Variants in ROBO1 observed in about 807,000 individuals in gnomAD.
The protein encoded by ROBO1 is roundabout homolog 1.
ROBO1 carries 149 observed loss-of-function variants against 195.9 expected under a neutral mutation model. The ratio of observed to expected loss-of-function variants is 0.76; its 90% CI spans 0.67 to 0.87. The LOEUF (loss-of-function observed/expected upper bound fraction) is 0.87, where lower values mean the gene tolerates loss of function less well. ROBO1 is among the 40% of genes least tolerant of loss of function. ROBO1 has a pLI of 0.00. For missense variants in ROBO1, 1,933 were observed against 2,068.3 expected, an observed-to-expected ratio of 0.93 and a Z score of 1.27; for synonymous variants, 816 against 733.2, an observed-to-expected ratio of 1.11 and a Z score of -1.82.
At chr3:79,740,869 A>C (rs1703614881) in intron 1 of ROBO1, among the ~76,000 whole-genome samples, 1 of 152,236 alleles carries the variant, frequency 6.6e-6, no homozygotes, top group Non-Finnish European at 1.5e-5. Flanking sequence ...TAACATATAC[A>C]TATAGTGATA....
At chr3:79,689,038 A>C (rs1019115731) in intron 1 of ROBO1, among the ~76,000 whole-genome samples, 1 of 151,978 alleles carries the variant, frequency 6.6e-6, no homozygotes, top group Non-Finnish European at 1.5e-5. Flanking sequence ...GTCAAGTTTC[A>C]ATTTCCCCAT....
At chr3:79,135,260 A>G (rs1461250549) in intron 2 of ROBO1, among the ~76,000 whole-genome samples, 1 of 152,182 alleles carries the variant, frequency 6.6e-6, no homozygotes, top group African/African-American at 2.4e-5. Flanking sequence ...GTATCACCCC[A>G]GAGGGTATTT....
intron 2 of ROBO1, among the ~76,000 whole-genome samples, chr3:79,500,480 G>C (rs1940010698): frequency 6.6e-6 from 1 of 152,158 alleles, no homozygotes; most frequent in Non-Finnish European, 1.5e-5. Context: ...CTCCATTGTT[G>C]TTGATGTCTT....
chr3:79,415,187 G>C (rs1236622786), intron 2 of ROBO1, among the ~76,000 whole-genome samples: 3 of 152,106 alleles, frequency 2.0e-5, no homozygotes, highest in Non-Finnish European at 4.4e-5. Context: ...CCTAACATGT[G>C]CATCTTTACA....
intron 4 of ROBO1, among the ~76,000 whole-genome samples, chr3:78,845,293 G>C (rs559324052): frequency 6.6e-6 from 1 of 151,668 alleles, no homozygotes; most frequent in Non-Finnish European, 1.5e-5. Context: ...TATGAAAAAA[G>C]TGTAGATCTC....
chr3:78,651,884 G>A lies in ROBO1; in HGVS notation c.2660C>T (p.Ala887Val). ...PVSPEDQVSL[A>V]QQISDVVKQP... is the part of the protein sequence containing the mutation. Reference sequence around the variant, plus strand: ...CTTCACCACATCTGAAATCTGCTGAGCGAGGCTGACTTGGTCCTCAGGTGA... The same window carrying A: ...CTTCACCACATCTGAAATCTGCTGAACGAGGCTGACTTGGTCCTCAGGTGA... The change falls in exon 19 of 31, where the codon GCT becomes GTT. Residue 887 changes from alanine (A) to valine (V), a missense_variant. Physicochemically the swap from Ala to Val is moderately conservative, Grantham distance 64. Around this residue, in one of 3 missense-constraint regions of ROBO1, gnomAD observed 1,737 missense variants for 1,882.5 expected, o/e 0.92. Transcript: ENST00000464233. 6.2e-7 allele frequency: 1 copy of A among 1,613,762 alleles called. No homozygotes were observed. Among genetic ancestry groups the A allele is most frequent in the East Asian group, 2.2e-5 (1 of 44,868 alleles).
chr3:79,318,803 T>C (rs1250550115), intron 2 of ROBO1, among the ~76,000 whole-genome samples: 1 of 152,220 alleles, frequency 6.6e-6, no homozygotes, highest in Non-Finnish European at 1.5e-5. Context: ...ATATTTTTGA[T>C]GGATTTTCTT....
At chr3:79,357,123 G>T (rs1237379728) in intron 2 of ROBO1, among the ~76,000 whole-genome samples, 1 of 151,936 alleles carries the variant, frequency 6.6e-6, no homozygotes, top group Non-Finnish European at 1.5e-5. Flanking sequence ...GGCCCAAATG[G>T]TACATTGAAA....
intron 2 of ROBO1, among the ~76,000 whole-genome samples, chr3:79,294,785 C>T (rs142628711): frequency 0.044 from 6,689 of 152,072 alleles, 274 homozygotes; most frequent in African/African-American, 0.11. Flanking sequence ...AAAAAGTGGG[C>T]GAAGGATATG....
chr3:79,563,875 G>A (rs1454773011), intron 2 of ROBO1, among the ~76,000 whole-genome samples: 1 of 151,876 alleles, frequency 6.6e-6, no homozygotes, highest in Non-Finnish European at 1.5e-5. Flanking sequence ...ATTTTATAGA[G>A]TGCATATTAA....
intron 2 of ROBO1, among the ~76,000 whole-genome samples, chr3:79,151,421 C>T (rs906096471): frequency 6.6e-6 from 1 of 151,728 alleles, no homozygotes; most frequent in Non-Finnish European, 1.5e-5. Flanking sequence ...GCTCAGCCAA[C>T]AAAATATACC....
chr3:79,217,592 T>C (rs1445518107), intron 2 of ROBO1, among the ~76,000 whole-genome samples: 1 of 152,008 alleles, frequency 6.6e-6, no homozygotes, highest in Non-Finnish European at 1.5e-5. Flanking sequence ...GTGGGTTATG[T>C]TGCTTTTTTC....
Position 79,623,135 on chromosome 3 carries a change from TCAA to T in ROBO1, c.-50-33177_-50-33175del, listed in dbSNP as rs34450942. On this transcript the variant is annotated intron_variant, in intron 1 of 30. Coordinates refer to ENST00000464233, the MANE Select transcript of ROBO1 (RefSeq NM_002941.4). ...CCTACAGAAAGCAGTAACAATGGCA[TCAA>T]CAACAACAACAACAACAACAACAAC... Among the ~76,000 whole-genome samples the T allele has an allele frequency of 3.7e-3, 562 of 150,922 alleles. 6 individuals are homozygous for T. The East Asian group carries it at 0.05, about 13-fold the overall frequency.
At chr3:79,493,198 G>A (rs1003653287) in intron 2 of ROBO1, among the ~76,000 whole-genome samples, 1 of 151,712 alleles carries the variant, frequency 6.6e-6, no homozygotes, top group Non-Finnish European at 1.5e-5. Flanking sequence ...TATTATTCTT[G>A]GTTTTAATAG....
chr3:79,423,906 C>T (rs1037552020), intron 2 of ROBO1, among the ~76,000 whole-genome samples: 1 of 151,820 alleles, frequency 6.6e-6, no homozygotes, highest in African/African-American at 2.4e-5. Flanking sequence ...TCATAATTCT[C>T]CCATCTGCCC....
intron 3 of ROBO1, among the ~76,000 whole-genome samples, chr3:79,064,252 C>T (rs1348530988): frequency 6.6e-6 from 1 of 151,760 alleles, no homozygotes; most frequent in Non-Finnish European, 1.5e-5. Context: ...AATATTAGGT[C>T]TGAAAAAAAT....
chr3:79,649,576 G>A (rs1945938893), intron 1 of ROBO1, among the ~76,000 whole-genome samples: 1 of 152,042 alleles, frequency 6.6e-6, no homozygotes, highest in South Asian at 2.1e-4. Context: ...AGTGACTATG[G>A]AAATATTTGT....
intron 2 of ROBO1, among the ~76,000 whole-genome samples, chr3:79,309,037 A>C (rs2033356903): frequency 1.3e-5 from 2 of 150,762 alleles, no homozygotes; most frequent in Non-Finnish European, 2.9e-5. Context: ...CTCAACTCTA[A>C]GTTGGTAGAG....
At chr3:78,709,698 G>T (rs1486161031) in intron 8 of ROBO1, among the ~76,000 whole-genome samples, 1 of 152,116 alleles carries the variant, frequency 6.6e-6, no homozygotes, top group Non-Finnish European at 1.5e-5. Context: ...GATCATTAAG[G>T]AGATAAAGAA....
Sources: gnomAD v4.1 joint callset for allele counts (sites outside exome capture counted in the v4.1 genomes callset) on GRCh38, gnomAD v4.1.1 for gene constraint, gnomAD v4.1.1 regional missense constraint, MANE v1.5 for transcripts, NCBI Gene and HGNC (gene_info 2026-07-23, HGNC 2026-07-21) for gene names.